SAMMSON: variants seen among roughly 807,000 people sequenced by gnomAD.
SAMMSON encodes long intergenic non-protein coding RNA 1212.
At chr3:70,323,100 C>T (rs1409753075) in intron 7 of SAMMSON, among the ~76,000 whole-genome samples, 2 of 152,076 alleles carry the variant, frequency 1.3e-5, no homozygotes, top group African/African-American at 2.4e-5. Flanking sequence ...CTCTTTACTT[C>T]TCAGATAAAT....
intron 3 of SAMMSON, among the ~76,000 whole-genome samples, chr3:70,050,031 A>T (rs1351175294): frequency 6.6e-6 from 1 of 152,138 alleles, no homozygotes; most frequent in Non-Finnish European, 1.5e-5. Context: ...ATTGCCAGCA[A>T]GGAGGGAAAG....
intron 7 of SAMMSON, among the ~76,000 whole-genome samples, chr3:70,328,507 C>A (rs1702597004): frequency 6.6e-6 from 1 of 151,926 alleles, no homozygotes; most frequent in Non-Finnish European, 1.5e-5. Flanking sequence ...GTAGAGATGA[C>A]AATACAATTT....
chr3:70,224,775 G>T (rs998834159), intron 4 of SAMMSON, among the ~76,000 whole-genome samples: 1 of 151,682 alleles, frequency 6.6e-6, no homozygotes, highest in Non-Finnish European at 1.5e-5. Context: ...CCAATTTTGC[G>T]CTCTATTAAA....
At position 70,000,861 on chromosome 3, in the gene SAMMSON, T is replaced by G. The variant is rs73838684; in HGVS notation, n.22+994T>G. On this transcript the variant is annotated intron_variant and non_coding_transcript_variant, in intron 1 of 9. Coordinates refer to ENST00000642114, the Ensembl canonical transcript of SAMMSON. Reference sequence around the variant, plus strand: ...AATTATTTAGACACTCAACAGTGTTTTTGCTATCAGTGCAAACCTCTAAAG... The same window carrying G: ...AATTATTTAGACACTCAACAGTGTTGTTGCTATCAGTGCAAACCTCTAAAG... Among the ~76,000 whole-genome samples the G allele has an allele frequency of 2.5e-3, 384 of 152,312 alleles. 4 individuals carry two copies. Among genetic ancestry groups the G allele is most frequent in the African/African-American group, 8.4e-3 (351 of 41,558 alleles).
chr3:70,432,368 T>C (rs552104021), intron 2 of SAMMSON, among the ~76,000 whole-genome samples: 29 of 151,930 alleles, frequency 1.9e-4, no homozygotes, highest in African/African-American at 5.8e-4. Flanking sequence ...AGGAGTTCTT[T>C]ATATATCTAG....
intron 7 of SAMMSON, among the ~76,000 whole-genome samples, chr3:70,294,762 T>C (rs1702274081): frequency 6.6e-6 from 1 of 152,196 alleles, no homozygotes; most frequent in South Asian, 2.1e-4. Context: ...TTTTTTTCCA[T>C]GTCATTTTAG....
At chr3:70,311,758 G>T (rs1559560920) in intron 7 of SAMMSON, 3 of 383,412 alleles carry the variant, frequency 7.8e-6, no homozygotes, top group Non-Finnish European at 1.4e-5. Context: ...AAAAAGAAAA[G>T]AGTGAAAATC....
intron 7 of SAMMSON, among the ~76,000 whole-genome samples, chr3:70,329,032 AT>A (rs1391576525): frequency 6.6e-6 from 1 of 152,166 alleles, no homozygotes; most frequent in Non-Finnish European, 1.5e-5. Flanking sequence ...TTTTTTAAAT[AT>A]TGAAAGAAAA....
rs532103932 is a variant in SAMMSON at position 70,397,172 on chromosome 3, T to C, written n.233+38848T>C. Among the ~76,000 whole-genome samples, 8 of 152,330 alleles carry C rather than the reference T, an allele frequency of 5.3e-5. 1 individual carries two copies. The South Asian group carries it at 8.3e-4, about 16-fold the overall frequency. ...GATCATGACTATTATAAAATTGAGA[T>C]ATTTTCTCAGCTTCCTTTTCATATG... is the stretch of plus-strand genomic sequence containing the variant. On this transcript the variant is annotated intron_variant and non_coding_transcript_variant, in intron 2 of 3. Coordinates refer to the SAMMSON transcript ENST00000641053.
chr3:70,000,072 C>T (rs2066899863), intron 1 of SAMMSON, among the ~76,000 whole-genome samples: 1 of 152,200 alleles, frequency 6.6e-6, no homozygotes, highest in Non-Finnish European at 1.5e-5. Context: ...AGCCCTCTGT[C>T]CTTGCGATAA....
chr3:70,103,895 T>C (rs539512591), intron 4 of SAMMSON, among the ~76,000 whole-genome samples: 1 of 152,282 alleles, frequency 6.6e-6, no homozygotes, highest in African/African-American at 2.4e-5. Context: ...TCTTTTACAA[T>C]TAAGGTCATT....
chr3:70,288,044 G>A (rs1051168639), intron 6 of SAMMSON, among the ~76,000 whole-genome samples: 8 of 150,614 alleles, frequency 5.3e-5, no homozygotes, highest in Non-Finnish European at 1.2e-4. Context: ...AGGGTTTTTT[G>A]TGTCTCTATT....
At chr3:70,104,443 T>A (rs562117263) in intron 4 of SAMMSON, among the ~76,000 whole-genome samples, 16 of 152,220 alleles carry the variant, frequency 1.1e-4, no homozygotes, top group African/African-American at 3.9e-4. Flanking sequence ...GATATTCAAT[T>A]AATGTTTGCC....
At chr3:70,149,712 A>G (rs1283887528) in intron 4 of SAMMSON, among the ~76,000 whole-genome samples, 2 of 152,066 alleles carry the variant, frequency 1.3e-5, no homozygotes, top group African/African-American at 4.8e-5. Context: ...GGGAATTTGC[A>G]TTATGTTGTC....
intron 7 of SAMMSON, among the ~76,000 whole-genome samples, chr3:70,293,373 G>T (rs1389981618): frequency 1.3e-5 from 2 of 152,044 alleles, no homozygotes; most frequent in African/African-American, 2.4e-5. Context: ...CTTAGAAGTG[G>T]AATAACTAAT....
At chr3:70,258,479 G>A (rs1701837823) in intron 6 of SAMMSON, among the ~76,000 whole-genome samples, 1 of 152,088 alleles carries the variant, frequency 6.6e-6, no homozygotes, top group South Asian at 2.1e-4. Flanking sequence ...GGGTTCAACC[G>A]AAACTGAAGA....
chr3:70,117,912 AT>A (rs2067417684), intron 4 of SAMMSON, among the ~76,000 whole-genome samples: 1 of 151,840 alleles, frequency 6.6e-6, no homozygotes. Flanking sequence ...TTTTAATTTA[AT>A]TTTATTTATT....
At chr3:70,056,026 C>T (rs6763730) in intron 3 of SAMMSON, among the ~76,000 whole-genome samples, 62,636 of 151,908 alleles carry the variant, frequency 0.41, 13,465 homozygotes, top group East Asian at 0.61. Flanking sequence ...TTTCAGTGAT[C>T]CTTTGGGCAA....
chr3:70,385,744 T>C (rs947031163), intron 9 of SAMMSON, among the ~76,000 whole-genome samples: 6 of 152,224 alleles, frequency 3.9e-5, no homozygotes, highest in Admixed American at 3.9e-4. Flanking sequence ...TAACTCACTA[T>C]ATCACCTTTT....
Sources: gnomAD v4.1 joint callset for allele counts (sites outside exome capture counted in the v4.1 genomes callset) on GRCh38, gnomAD v4.1.1 for gene constraint, MANE v1.5 for transcripts, NCBI Gene and HGNC (gene_info 2026-07-23, HGNC 2026-07-21) for gene names.